Variants in FSHR observed in about 807,000 individuals in gnomAD.
FSHR encodes the protein follicle stimulating hormone receptor.
A neutral mutation model predicts 52.1 loss-of-function variants in FSHR; 46 were observed. The ratio of observed to expected loss-of-function variants is 0.88; its 90% CI spans 0.70 to 1.13. The LOEUF is 1.13. Ranked by LOEUF, FSHR falls within the 50% of genes most tolerant of loss-of-function variation. The probability of loss-of-function intolerance (pLI) is 0.00; values close to 1 mark genes in which losing one functional copy is unlikely to be tolerated. For missense variants in FSHR, 964 were observed against 834.6 expected, an observed-to-expected ratio of 1.16 and a Z score of -1.91; for synonymous variants, 399 against 309.6, an observed-to-expected ratio of 1.29 and a Z score of -3.03.
rs760578631 is a variant in FSHR, at chr2:49,021,831, T to TTTTCTC, written c.225-1672_225-1671insGAGAAA. 1.2e-3 allele frequency among the ~76,000 whole-genome samples: 57 copies of TTTTCTC among 46,460 alleles called. 1 individual carries two copies. Among genetic ancestry groups the TTTTCTC allele is most frequent in the African/African-American group, 2.7e-3 (30 of 11,040 alleles). The allele number at this position is 46,460 out of a possible 152,430, so 30.5% of individuals were successfully genotyped here. ...ACATAAATAAGGGTGGGGTATGTGT[T>TTTTCTC]TCTCTCTCTCTCTCTCTCTCTCTCT... On this transcript the variant is annotated intron_variant, in intron 2 of 9. Transcript: ENST00000406846.
chr2:49,010,722 T>C (rs1278138218), intron 4 of FSHR, among the ~76,000 whole-genome samples: 4 of 152,134 alleles, frequency 2.6e-5, no homozygotes, highest in African/African-American at 9.7e-5. Context: ...TATTGGTCTA[T>C]TCAGAGATTC....
In FSHR at chr2:48,991,101, ACTCT is replaced by A. The variant is rs543714037; in HGVS notation, c.375-468_375-465del. On this transcript the variant is annotated intron_variant, in intron 4 of 9. Transcript: ENST00000406846. ...ATGTGACCTAAGCTGGGCCAATCAG[ACTCT>A]CTCCTGGGAACTGGTTAGAGGTTGG... is the stretch of plus-strand genomic sequence containing the variant. Among the ~76,000 whole-genome samples the A allele has an allele frequency of 7.7e-3, 1,176 of 151,806 alleles. 13 individuals carry two copies. The highest frequency in any genetic ancestry group is 0.037 in the Middle Eastern group (11 of 294).
chr2:48,963,555 A>G lies in FSHR; in HGVS notation c.1266T>C (p.Asp422=), dbSNP rs1479230004. The G allele has an allele frequency of 1.2e-6, 2 of 1,614,218 alleles. No homozygotes were observed. The highest frequency in any genetic ancestry group is 2.2e-5 in the East Asian group (1 of 44,882). The change falls in exon 10 of 10, where the codon GAT becomes GAC. Residue 422 remains aspartate, a synonymous_variant. Coordinates refer to ENST00000406846, the MANE Select transcript of FSHR (RefSeq NM_000145.4). ...TGTGATATTGGCTCTTGGTATGGATATCAACTGATGCAATGAGCAGCAGGT... is the reference window on the plus strand; with the variant it reads ...TGTGATATTGGCTCTTGGTATGGATGTCAACTGATGCAATGAGCAGCAGGT... ...GIYLLLIASV[D]IHTKSQYHNY...
chr2:49,005,398 A>C lies in FSHR; in HGVS notation c.374+12091T>G, dbSNP rs138214222. ...CAGGCAGATTACTGATAAAAAAAGC[A>C]ATTGTAAATCTCGATTGTGCCCAAA... On this transcript the variant is annotated intron_variant, in intron 4 of 9. Coordinates refer to ENST00000406846, the MANE Select transcript of FSHR (RefSeq NM_000145.4). 1.6e-4 allele frequency among the ~76,000 whole-genome samples: 25 copies of C among 152,278 alleles called. No homozygotes were observed. In the East Asian group the frequency reaches 4.3e-3, roughly 26 times the overall value.
intron 2 of FSHR, among the ~76,000 whole-genome samples, chr2:49,039,091 C>T (rs1668394017): frequency 6.6e-6 from 1 of 152,016 alleles, no homozygotes; most frequent in African/African-American, 2.4e-5. Context: ...ACAGTTTTCA[C>T]ACATCCATAG....
intron 1 of FSHR, among the ~76,000 whole-genome samples, chr2:49,114,724 G>A (rs1671538094): frequency 2.0e-5 from 3 of 152,166 alleles, no homozygotes; most frequent in Admixed American, 1.3e-4. Context: ...GATGCCAGAA[G>A]TTGGGATGGT....
At chr2:48,964,576 G>A (rs1161273495) in intron 9 of FSHR, among the ~76,000 whole-genome samples, 1 of 152,074 alleles carries the variant, frequency 6.6e-6, no homozygotes, top group Admixed American at 6.6e-5. Context: ...ACTTTCTGGG[G>A]GCCACAATAG....
chr2:48,962,438 T>A lies in FSHR; in HGVS notation c.*295A>T, dbSNP rs1248480489. 4 of 370,224 alleles carry A rather than the reference T, an allele frequency of 1.1e-5. No homozygotes were observed. The highest frequency in any genetic ancestry group is 2.0e-5 in the Non-Finnish European group (4 of 197,580). The allele number at this position is 370,224 out of a possible 1,614,324, so 22.9% of individuals were successfully genotyped here. On this transcript the variant is annotated 3_prime_UTR_variant, in exon 10 of 10. Coordinates refer to ENST00000406846, the MANE Select transcript of FSHR (RefSeq NM_000145.4). ...CCCTGTCCTGCTTATTTAACAGGGA[T>A]CACTTGAGATATCTGAACAAAAGCA...
intron 8 of FSHR, among the ~76,000 whole-genome samples, chr2:48,977,533 C>G (rs1397488394): frequency 6.6e-6 from 1 of 152,060 alleles, no homozygotes. Context: ...ATGACAGAGG[C>G]TGTCTCCTCC....
chr2:49,127,817 CT>C (rs1558456500), intron 1 of FSHR, among the ~76,000 whole-genome samples: 2 of 49,718 alleles, frequency 4.0e-5, no homozygotes, highest in African/African-American at 1.7e-4. Context: ...TCTTCTTCTT[CT>C]TCTTCTTCTT....
rs370411115 is a variant in FSHR, at chr2:49,009,185, T to C, written c.374+8304A>G. 2.8e-4 allele frequency among the ~76,000 whole-genome samples: 42 copies of C among 151,722 alleles called. No homozygotes were observed. The South Asian group carries it at 8.1e-3, about 29-fold the overall frequency. On this transcript the variant is annotated intron_variant, in intron 4 of 9. Coordinates refer to ENST00000406846, the MANE Select transcript of FSHR (RefSeq NM_000145.4). ...GTCTAACGTTTAAGTCTTTAATCCA[T>C]CTTGAATTGATTTTTGTATAAGGTG...
intron 4 of FSHR, among the ~76,000 whole-genome samples, chr2:49,004,693 T>C (rs1042986748): frequency 6.6e-6 from 1 of 151,952 alleles, no homozygotes; most frequent in South Asian, 2.1e-4. Flanking sequence ...CTGATGGGAG[T>C]GTCTGATGAG....
At chr2:49,134,442 T>C (rs998942587) in intron 1 of FSHR, among the ~76,000 whole-genome samples, 1 of 152,114 alleles carries the variant, frequency 6.6e-6, no homozygotes, top group African/African-American at 2.4e-5. Context: ...TGTGGAGAAA[T>C]AGGAATGCTT....
At chr2:48,997,018 C>T (rs999084402) in intron 4 of FSHR, among the ~76,000 whole-genome samples, 1 of 152,028 alleles carries the variant, frequency 6.6e-6, no homozygotes, top group African/African-American at 2.4e-5. Flanking sequence ...CTTTCTGAAT[C>T]ATTAAATAAA....
intron 2 of FSHR, among the ~76,000 whole-genome samples, chr2:49,028,571 A>G (rs1467981332): frequency 6.6e-6 from 1 of 152,252 alleles, no homozygotes; most frequent in Non-Finnish European, 1.5e-5. Flanking sequence ...GTCCTCAAAA[A>G]TCAATTTCCC....
At chr2:49,096,930 T>A (rs1670840966) in intron 1 of FSHR, among the ~76,000 whole-genome samples, 1 of 152,146 alleles carries the variant, frequency 6.6e-6, no homozygotes, top group African/African-American at 2.4e-5. Flanking sequence ...CACTTTACCT[T>A]CTGCCATGAT....
At chr2:48,968,202 C>A (rs935859756) in intron 9 of FSHR, among the ~76,000 whole-genome samples, 3 of 152,146 alleles carry the variant, frequency 2.0e-5, no homozygotes, top group African/African-American at 7.2e-5. Context: ...TTTATCCTCC[C>A]TGTGAGGTAG....
At chr2:49,075,925 A>T (rs1322489519) in intron 1 of FSHR, among the ~76,000 whole-genome samples, 1 of 152,154 alleles carries the variant, frequency 6.6e-6, no homozygotes, top group Admixed American at 6.6e-5. Context: ...CAGGCATGAG[A>T]CACCACAGCT....
intron 3 of FSHR, 144 bp downstream of exon 3, chr2:49,019,942 C>A (rs1199024593): frequency 1.2e-6 from 1 of 801,086 alleles, no homozygotes; most frequent in Non-Finnish European, 2.3e-6. Flanking sequence ...CATTACAGTG[C>A]CTTTTAGGCT....
Sources: allele counts gnomAD v4.1 joint callset (sites outside exome capture counted in the v4.1 genomes callset), GRCh38; gene constraint gnomAD v4.1.1; transcripts MANE v1.5; gene names NCBI Gene and HGNC (gene_info 2026-07-23, HGNC 2026-07-21).